Variants in SLC9D1 observed in about 807,000 individuals in gnomAD.
The protein encoded by SLC9D1 is putative LAG1-interacting protein.
At chr13:113,525,764 G>A in the SLC9D1 span, among the ~76,000 whole-genome samples, 131 of 148,832 alleles carry the variant, frequency 8.8e-4, no homozygotes, top group South Asian at 4.6e-3. Flanking sequence ...CATCGTCGTC[G>A]TAGGAGAGGA....
the SLC9D1 span, among the ~76,000 whole-genome samples, chr13:113,537,023 G>A: frequency 4.1e-4 from 63 of 152,290 alleles, no homozygotes; most frequent in African/African-American, 1.4e-3. Context: ...TCCACTTCCC[G>A]ATGGCTGGTC....
the SLC9D1 span, among the ~76,000 whole-genome samples, chr13:113,518,690 C>T: frequency 2.6e-5 from 4 of 152,110 alleles, no homozygotes; most frequent in East Asian, 1.9e-4. Context: ...CAAGCCCATG[C>T]GAGCCTTAGG....
the SLC9D1 span, among the ~76,000 whole-genome samples, chr13:113,537,030 G>C: frequency 6.6e-6 from 1 of 152,174 alleles, no homozygotes; most frequent in South Asian, 2.1e-4. Flanking sequence ...CCCGATGGCT[G>C]GTCCCTCAAG....
the SLC9D1 span, among the ~76,000 whole-genome samples, chr13:113,497,257 AG>A: frequency 1.3e-5 from 2 of 150,992 alleles, no homozygotes; most frequent in Non-Finnish European, 2.9e-5. Context: ...TGAGACCTGC[AG>A]CTATGTGAGA....
the SLC9D1 span, among the ~76,000 whole-genome samples, chr13:113,516,362 C>G: frequency 6.6e-6 from 1 of 152,058 alleles, no homozygotes; most frequent in African/African-American, 2.4e-5. Flanking sequence ...GTCAGGAGTT[C>G]AAGACCGTCC....
chr13:113,503,014 A>T, the SLC9D1 span, among the ~76,000 whole-genome samples: 1 of 152,268 alleles, frequency 6.6e-6, no homozygotes, highest in African/African-American at 2.4e-5. Flanking sequence ...GCCTCTGGGA[A>T]GAACGGCTGT....
chr13:113,546,368 T>G, the SLC9D1 span, among the ~76,000 whole-genome samples: 1 of 147,330 alleles, frequency 6.8e-6, no homozygotes. The surrounding 1 kb of genome is among the most constrained non-coding windows in gnomAD (Gnocchi z 7.1). Context: ...GTGGCCGGGG[T>G]AGGAGGGGCC....
At chr13:113,539,330 T>C in the SLC9D1 span, 1 of 1,607,182 alleles carries the variant, frequency 6.2e-7, no homozygotes, top group Non-Finnish European at 8.5e-7. The surrounding 1 kb of genome is among the most constrained non-coding windows in gnomAD (Gnocchi z 4.8). Context: ...TGGGGTCTCA[T>C]GTAAAGCTGC....
the SLC9D1 span, chr13:113,520,603 T>C: frequency 1.2e-5 from 20 of 1,600,760 alleles, no homozygotes; most frequent in Non-Finnish European, 1.7e-5. Flanking sequence ...CTTCAATGCC[T>C]TTCCCCCCAC....
At chr13:113,536,559 T>C in the SLC9D1 span, 1 of 985,142 alleles carries the variant, frequency 1.0e-6, no homozygotes, top group Non-Finnish European at 1.2e-6. Flanking sequence ...AGCAGAATTG[T>C]CTTATCTGGA....
the SLC9D1 span, chr13:113,524,227 C>T: frequency 4.4e-5 from 20 of 453,160 alleles, no homozygotes; most frequent in Non-Finnish European, 1.8e-5. Context: ...TCTGTTTCTC[C>T]TTTGAGTTCA....
chr13:113,544,375 C>T, the SLC9D1 span, among the ~76,000 whole-genome samples: 14 of 152,204 alleles, frequency 9.2e-5, no homozygotes, highest in Non-Finnish European at 1.8e-4. Flanking sequence ...AGAGCAAGGT[C>T]GGGGTCTCGT....
chr13:113,538,234 T>C, the SLC9D1 span, among the ~76,000 whole-genome samples: 97 of 82,672 alleles, frequency 1.2e-3, no homozygotes, highest in South Asian at 0.017. Context: ...ATGTGCTTTG[T>C]GTGGTGTGTG....
chr13:113,521,419 C>T, the SLC9D1 span, among the ~76,000 whole-genome samples: 2 of 147,416 alleles, frequency 1.4e-5, no homozygotes, highest in Non-Finnish European at 1.5e-5. Flanking sequence ...TATCTGCATG[C>T]ATGTGTGGTG....
chr13:113,517,463 C>T, the SLC9D1 span, among the ~76,000 whole-genome samples: 15 of 152,192 alleles, frequency 9.9e-5, no homozygotes, highest in Admixed American at 3.3e-4. Flanking sequence ...CTCCTGACCT[C>T]GTGATCCGCC....
the SLC9D1 span, chr13:113,491,095 C>A: frequency 1.5e-3 from 229 of 153,646 alleles, no homozygotes; most frequent in African/African-American, 5.3e-3. Flanking sequence ...GGACTCCCGG[C>A]CTCCCGGCCT....
At chr13:113,549,855 G>GAGTTTATC in the SLC9D1 span, 8 of 570,172 alleles carry the variant, frequency 1.4e-5, 1 homozygote, top group Non-Finnish European at 2.5e-5. Context: ...TTTCTATTGT[G>GAGTTTATC]AGTTCATCAG....
chr13:113,509,864 A>C, the SLC9D1 span, among the ~76,000 whole-genome samples: 2 of 152,172 alleles, frequency 1.3e-5, no homozygotes, highest in Non-Finnish European at 2.9e-5. Flanking sequence ...GCCTGGGTGC[A>C]CTTCCTGGCT....
the SLC9D1 span, among the ~76,000 whole-genome samples, chr13:113,546,916 T>TGGCACTCCTG: frequency 6.6e-6 from 1 of 152,202 alleles, no homozygotes; most frequent in Non-Finnish European, 1.5e-5. This position sits in a 1 kb window ranked among gnomAD's most constrained non-coding sequence, Gnocchi z 7.1. Flanking sequence ...CCTGTGAGCG[T>TGGCACTCCTG]GGCACTCCTG....
Sources: gnomAD v4.1 joint callset for allele counts (sites outside exome capture counted in the v4.1 genomes callset) on GRCh38, gnomAD v4.1.1 for gene constraint, Gnocchi (gnomAD v3.1) non-coding constraint, MANE v1.5 for transcripts, NCBI Gene and HGNC (gene_info 2026-07-23, HGNC 2026-07-21) for gene names.